Variants in MAF observed in about 807,000 individuals in gnomAD.
MAF encodes the protein transcription factor Maf.
MAF carries 10 observed loss-of-function variants against 22.0 expected under a neutral mutation model. The ratio of observed to expected loss-of-function variants is 0.45; its 90% CI spans 0.28 to 0.77. MAF has a LOEUF of 0.77. Among genes scored for constraint, MAF ranks in the 30% least tolerant of loss-of-function variants. MAF has a pLI of 0.12. For synonymous variants in MAF, 337 were observed against 255.8 expected (o/e 1.32, Z -3.03); for missense variants, 544 against 548.4 (o/e 0.99, Z 0.08).
the MAF span, among the ~76,000 whole-genome samples, chr16:79,459,903 C>T: frequency 6.6e-6 from 1 of 152,172 alleles, no homozygotes; most frequent in Non-Finnish European, 1.5e-5. Flanking sequence ...AGAACATTCT[C>T]ATAAATATAT....
chr16:79,442,195 T>C, the MAF span, among the ~76,000 whole-genome samples: 2 of 152,168 alleles, frequency 1.3e-5, no homozygotes, highest in Admixed American at 1.3e-4. Flanking sequence ...ACAGCAAGAA[T>C]AGGAATCTAA....
the MAF span, among the ~76,000 whole-genome samples, chr16:79,390,589 T>C: frequency 6.6e-6 from 1 of 152,202 alleles, no homozygotes; most frequent in Non-Finnish European, 1.5e-5. Flanking sequence ...AAACCAATTA[T>C]GAAAAACCCG....
At chr16:79,539,090 T>G in the MAF span, among the ~76,000 whole-genome samples, 1 of 152,194 alleles carries the variant, frequency 6.6e-6, no homozygotes, top group Non-Finnish European at 1.5e-5. Context: ...TGAAAGAAAG[T>G]TTTGTAAAAT....
the MAF span, among the ~76,000 whole-genome samples, chr16:79,499,903 G>C: frequency 3.2e-4 from 49 of 152,344 alleles, no homozygotes; most frequent in African/African-American, 1.2e-3. Flanking sequence ...TACAGACCTG[G>C]AAGAGTTTGT....
chr16:79,405,333 C>T, the MAF span, among the ~76,000 whole-genome samples: 1 of 152,188 alleles, frequency 6.6e-6, no homozygotes. Flanking sequence ...AAGAAATTCA[C>T]TGACCTGAGC....
At chr16:79,586,526 C>A (rs1039238495) in intron 1 of MAF, among the ~76,000 whole-genome samples, 34 of 152,196 alleles carry the variant, frequency 2.2e-4, no homozygotes, top group Middle Eastern at 3.2e-3. Flanking sequence ...AACTTCTGCC[C>A]TGTTTAAATT....
At chr16:79,547,164 T>A in the MAF span, among the ~76,000 whole-genome samples, 30 of 151,794 alleles carry the variant, frequency 2.0e-4, no homozygotes, top group Non-Finnish European at 3.8e-4. Flanking sequence ...CATGGAAACA[T>A]CCTCTACTCC....
At chr16:79,244,681 T>C in the MAF span, among the ~76,000 whole-genome samples, 1 of 152,094 alleles carries the variant, frequency 6.6e-6, no homozygotes, top group Non-Finnish European at 1.5e-5. Context: ...CCCATCAAGC[T>C]ACCATTGACT....
chr16:79,348,706 C>T, the MAF span, among the ~76,000 whole-genome samples: 7 of 152,122 alleles, frequency 4.6e-5, no homozygotes, highest in African/African-American at 7.2e-5. Context: ...ATGGTCAGGG[C>T]GGGTTTCAGG....
chr16:79,449,252 A>T, the MAF span, among the ~76,000 whole-genome samples: 1 of 152,162 alleles, frequency 6.6e-6, no homozygotes, highest in Non-Finnish European at 1.5e-5. Flanking sequence ...TCACTTGCCC[A>T]CTTGCCCTCT....
the MAF span, among the ~76,000 whole-genome samples, chr16:79,441,359 A>G: frequency 6.6e-6 from 1 of 152,246 alleles, no homozygotes; most frequent in African/African-American, 2.4e-5. Flanking sequence ...GAGAAGGTAT[A>G]GAACAGGGGT....
At chr16:79,258,943 C>A in the MAF span, among the ~76,000 whole-genome samples, 1 of 152,130 alleles carries the variant, frequency 6.6e-6, no homozygotes, top group Non-Finnish European at 1.5e-5. Flanking sequence ...GCTGCCTCTG[C>A]CTCCATTTAT....
At chr16:79,229,977 C>T in the MAF span, among the ~76,000 whole-genome samples, 1 of 151,332 alleles carries the variant, frequency 6.6e-6, no homozygotes, top group Non-Finnish European at 1.5e-5. Context: ...GGACTCTTAT[C>T]AATTTGCAGG....
the MAF span, among the ~76,000 whole-genome samples, chr16:79,545,948 T>C: frequency 1.3e-5 from 2 of 152,176 alleles, no homozygotes; most frequent in East Asian, 1.9e-4. Context: ...TTTAATTTGC[T>C]TGATTTAATT....
In MAF at chr16:79,600,095, CCCGCGCCCG is replaced by C. The variant is rs1913927026; in HGVS notation, c.-202_-194del. On this transcript the variant is annotated 5_prime_UTR_variant, in exon 1 of 2. Coordinates refer to ENST00000326043, the MANE Select transcript of MAF (RefSeq NM_005360.5). ...ACACCCCCCCGCCCTGCCCGCGCCC[CCCGCGCCCG>C]CCCTCCCTCCCCCCTGCTCACGCCA... 8.0e-6 allele frequency: 5 copies of C among 627,478 alleles called. No homozygotes were observed. The highest frequency in any genetic ancestry group is 4.4e-5 in the South Asian group (2 of 45,410). 38.9% of individuals were successfully genotyped at this position (627,478 alleles called of 1,614,324 possible). A position where few individuals can be genotyped will look rare whatever the true frequency, so the allele number is the denominator to read the frequency against.
the MAF span, among the ~76,000 whole-genome samples, chr16:79,252,670 A>C: frequency 6.6e-6 from 1 of 152,040 alleles, no homozygotes; most frequent in East Asian, 1.9e-4. Context: ...TTGTATTTTT[A>C]GTAGAGACAG....
the MAF span, among the ~76,000 whole-genome samples, chr16:79,426,016 C>T: frequency 5.0e-4 from 76 of 152,238 alleles, no homozygotes; most frequent in Non-Finnish European, 6.2e-4. Flanking sequence ...ACCATCCTGG[C>T]TAACACAGTG....
the MAF span, among the ~76,000 whole-genome samples, chr16:79,242,749 A>G: frequency 2.6e-5 from 4 of 152,198 alleles, no homozygotes; most frequent in South Asian, 2.1e-4. Flanking sequence ...AACAAAATAT[A>G]CATTCTTTTC....
the MAF span, among the ~76,000 whole-genome samples, chr16:79,399,251 G>A: frequency 6.6e-6 from 1 of 152,174 alleles, no homozygotes; most frequent in Non-Finnish European, 1.5e-5. Flanking sequence ...ATAGCATTAT[G>A]GGCTGTGCTA....
Sources: gnomAD v4.1 joint callset for allele counts (sites outside exome capture counted in the v4.1 genomes callset) on GRCh38, gnomAD v4.1.1 for gene constraint, MANE v1.5 for transcripts, NCBI Gene and HGNC (gene_info 2026-07-23, HGNC 2026-07-21) for gene names.